The following HEY2 variants were observed in gnomAD, a reference collection of about 807,000 sequenced individuals.
HEY2 encodes the protein hes related family bHLH transcription factor with YRPW motif 2.
HEY2 carries 10 observed loss-of-function variants against 18.1 expected under a neutral mutation model. The observed-to-expected ratio is 0.55, with a 90% CI of 0.34 to 0.94. The LOEUF (loss-of-function observed/expected upper bound fraction) is 0.94. Among genes scored for constraint, HEY2 ranks in the 40% least tolerant of loss-of-function variants. HEY2 has a pLI of 0.02. For missense variants in HEY2, 455 were observed against 455.9 expected, an observed-to-expected ratio of 1.00 and a Z score of 0.02; for synonymous variants, 210 against 182.7, an observed-to-expected ratio of 1.15 and a Z score of -1.21.
chr6:125,752,162 G>C (rs1200570452), intron 3 of HEY2, 72 bp downstream of exon 3: 1 of 760,992 alleles, frequency 1.3e-6, no homozygotes, highest in African/African-American at 2.2e-5. Flanking sequence ...AACACAATCT[G>C]ATTCGCTCAT....
At chr6:125,752,270 CA>C (rs1180651409) in intron 3 of HEY2, among the ~76,000 whole-genome samples, 180 bp downstream of exon 3, 2 of 151,946 alleles carry the variant, frequency 1.3e-5, no homozygotes, top group Non-Finnish European at 2.9e-5. Flanking sequence ...TTTGTTGTGG[CA>C]AAACTATTAA....
At chr6:125,758,578 T>C (rs772560554) in intron 4 of HEY2, among the ~76,000 whole-genome samples, 1 of 152,248 alleles carries the variant, frequency 6.6e-6, no homozygotes, top group Non-Finnish European at 1.5e-5. Context: ...GAAGCAGTTA[T>C]GAATTTATTG....
Position 125,750,652 on chromosome 6 carries a change from C to T in HEY2, c.83+793C>T, listed in dbSNP as rs560960423. Among the ~76,000 whole-genome samples, 4 of 152,332 alleles carry T rather than the reference C, an allele frequency of 2.6e-5. No homozygotes were observed. The South Asian group carries it at 8.3e-4, about 32-fold the overall frequency. On this transcript the variant is annotated intron_variant, in intron 1 of 4. Transcript: ENST00000368364. ...TTTCTTTCATATTGTTATTCTAATACATACAAAGCAAAGCACAAAATCTGC... is the reference window on the plus strand; with the variant it reads ...TTTCTTTCATATTGTTATTCTAATATATACAAAGCAAAGCACAAAATCTGC...
intron 4 of HEY2, among the ~76,000 whole-genome samples, chr6:125,756,067 A>C (rs1250161776): frequency 1.3e-5 from 2 of 152,256 alleles, no homozygotes; most frequent in East Asian, 3.8e-4. Flanking sequence ...AATATTTGGC[A>C]TGAGCTGTAC....
In HEY2 at chr6:125,760,061, T is replaced by G; in HGVS notation, c.*259T>G. On this transcript the variant is annotated 3_prime_UTR_variant, in exon 5 of 5. Coordinates refer to ENST00000368364, the MANE Select transcript of HEY2 (RefSeq NM_012259.3). ...TCACACTTGTTACCATTTAGAAGTTTCCTGGAAAATATATGGACCGTACCA... is the reference window on the plus strand; with the variant it reads ...TCACACTTGTTACCATTTAGAAGTTGCCTGGAAAATATATGGACCGTACCA... The G allele has an allele frequency of 2.0e-6, 1 of 511,072 alleles. No homozygotes were observed. The highest frequency in any genetic ancestry group is 3.5e-6 in the Non-Finnish European group (1 of 286,152). 31.7% of individuals were successfully genotyped at this position (511,072 alleles called of 1,614,324 possible).
chr6:125,759,112 T>C lies in HEY2; in HGVS notation c.329-5T>C, dbSNP rs572944599. The C allele has an allele frequency of 6.3e-7, 1 of 1,583,752 alleles. No individual in the cohort carries two copies. The highest frequency in any genetic ancestry group is 1.3e-5 in the African/African-American group (1 of 74,350). On this transcript the variant is annotated splice_polypyrimidine_tract_variant and splice_region_variant and intron_variant, in intron 4 of 4. Transcript: ENST00000368364. ...GTTCCCTACTTTGCTCAAACCCACTTTTAGGCTACTTTGACGCACACGCTC... is the reference window on the plus strand; with the variant it reads ...GTTCCCTACTTTGCTCAAACCCACTCTTAGGCTACTTTGACGCACACGCTC...
Position 125,759,890 on chromosome 6 carries a change from A to G in HEY2, c.*88A>G. 2.1e-6 allele frequency: 2 copies of G among 969,770 alleles called. No individual in the cohort carries two copies. The highest frequency in any genetic ancestry group is 3.1e-6 in the Non-Finnish European group (2 of 648,570). The allele number at this position is 969,770 out of a possible 1,614,324, so 60.1% of individuals were successfully genotyped here. ...CTCTGCACCCTGAAGGTAGCCATAC[A>G]GATGCCGACAGATCCACAAAGGAAC... On this transcript the variant is annotated 3_prime_UTR_variant, in exon 5 of 5. Coordinates refer to ENST00000368364, the MANE Select transcript of HEY2 (RefSeq NM_012259.3).
chr6:125,752,709 GAAA>G (rs1303260101), intron 3 of HEY2, among the ~76,000 whole-genome samples: 10 of 152,108 alleles, frequency 6.6e-5, no homozygotes, highest in Admixed American at 6.5e-4. Context: ...AAGAAAGAAA[GAAA>G]AAGATTTTGC....
chr6:125,749,677 T>C lies in HEY2; in HGVS notation c.-100T>C. 1.3e-6 allele frequency: 1 copy of C among 752,452 alleles called. No individual in the cohort carries two copies. The highest frequency in any genetic ancestry group is 2.0e-6 in the Non-Finnish European group (1 of 505,890). The allele number at this position is 752,452 out of a possible 1,614,324, so 46.6% of individuals were successfully genotyped here. A position where few individuals can be genotyped will look rare whatever the true frequency, so the allele number is the denominator to read the frequency against. ...ACCGCGCCGCCGCCGGAGCCGCGCC[T>C]GCCCAGGCCCGGGGAGGGAGGAGGC... On this transcript the variant is annotated 5_prime_UTR_variant, in exon 1 of 5. Transcript: ENST00000368364.
chr6:125,758,163 TGCCCTAC>T (rs1773702738), intron 4 of HEY2, among the ~76,000 whole-genome samples: 1 of 32,018 alleles, frequency 3.1e-5, no homozygotes, highest in Non-Finnish European at 8.9e-5. Flanking sequence ...GTGCCCTACA[TGCCCTAC>T]ATGGGCACTC....
rs761812670 is a variant in HEY2 at position 125,759,574 on chromosome 6, C to T, written c.786C>T (p.Ala262=). The change falls in exon 5 of 5, where the codon GCC becomes GCT. Residue 262 remains alanine (A), a synonymous_variant. Transcript: ENST00000368364. ...CCACCTCTCTCTTGTCCCTCTCTGC[C>T]ACCGTCCACGCCGCAGCCGCAGCAG... The part of the protein sequence containing the change: ...PLSTSLLSLS[A]TVHAAAAAAT... The T allele has an allele frequency of 1.2e-6, 2 of 1,610,774 alleles. No individual in the cohort carries two copies. Among genetic ancestry groups the T allele is most frequent in the Admixed American group, 3.3e-5 (2 of 60,028 alleles).
Position 125,759,553 on chromosome 6 carries a change from C to T in HEY2, c.765C>T (p.Thr255=). The change falls in exon 5 of 5, where the codon ACC becomes ACT. Residue 255 remains threonine, a synonymous_variant. Coordinates refer to ENST00000368364, the MANE Select transcript of HEY2 (RefSeq NM_012259.3). Reference sequence around the variant, plus strand: ...CCCCCTGCGTGCCACCTCTCTCCACCTCTCTCTTGTCCCTCTCTGCCACCG... The same window carrying T: ...CCCCCTGCGTGCCACCTCTCTCCACTTCTCTCTTGTCCCTCTCTGCCACCG... ...SVAPCVPPLS[T]SLLSLSATVH... is the part of the protein sequence containing the mutation. The T allele has an allele frequency of 1.2e-6, 2 of 1,611,064 alleles. No homozygotes were observed. Among genetic ancestry groups the T allele is most frequent in the Non-Finnish European group, 8.5e-7 (1 of 1,179,904 alleles).
intron 3 of HEY2, 86 bp downstream of exon 3, chr6:125,752,176 G>A (rs1205569545): frequency 3.0e-5 from 22 of 742,516 alleles, no homozygotes; most frequent in Non-Finnish European, 4.6e-5. Flanking sequence ...CGCTCATCTG[G>A]GAATGTGGGT....
chr6:125,754,292 T>A (rs1773608794), intron 3 of HEY2, among the ~76,000 whole-genome samples, 173 bp from the exon 4 acceptor site: 1 of 152,236 alleles, frequency 6.6e-6, no homozygotes, highest in Non-Finnish European at 1.5e-5. Context: ...ATGACATTAA[T>A]TAGTGCTTTC....
At position 125,759,838 on chromosome 6, in the gene HEY2, T is replaced by C. The variant is rs754368234; in HGVS notation, c.*36T>C. On this transcript the variant is annotated 3_prime_UTR_variant, in exon 5 of 5. Transcript: ENST00000368364. ...AACTTCTTGCAATAGTAACTGAATG[T>C]CCTCCATTTCAGAGTCAGCTTAAAA... 6.4e-7 allele frequency: 1 copy of C among 1,560,154 alleles called. No homozygotes were observed. Among genetic ancestry groups the C allele is most frequent in the Non-Finnish European group, 8.8e-7 (1 of 1,135,378 alleles).
intron 4 of HEY2, 138 bp downstream of exon 4, chr6:125,754,684 C>CA: frequency 2.2e-6 from 1 of 447,794 alleles, no homozygotes; most frequent in Non-Finnish European, 4.0e-6. Flanking sequence ...AGATTAAAGC[C>CA]ATGGAAATCA....
At chr6:125,753,062 C>T (rs11960977) in intron 3 of HEY2, among the ~76,000 whole-genome samples, 4,226 of 152,248 alleles carry the variant, frequency 0.028, 195 homozygotes, top group African/African-American at 0.097. Context: ...TGACCAAATA[C>T]AAAACATAAT....
At chr6:125,754,593 T>C (rs746381020) in intron 4 of HEY2, 47 bp downstream of exon 4, 1 of 1,041,570 alleles carries the variant, frequency 9.6e-7, no homozygotes, top group African/African-American at 1.6e-5. Flanking sequence ...TTTTTACCTT[T>C]CTCTTTTCAT....
At position 125,759,841 on chromosome 6, in the gene HEY2, T is replaced by TC. The variant is rs777647930; in HGVS notation, c.*41dup. The TC allele has an allele frequency of 1.3e-6, 2 of 1,552,074 alleles. No individual in the cohort carries two copies. The highest frequency in any genetic ancestry group is 3.4e-5 in the Admixed American group (2 of 58,592). Reference sequence around the variant, plus strand: ...TTCTTGCAATAGTAACTGAATGTCCTCCATTTCAGAGTCAGCTTAAAACCT... The same window carrying TC: ...TTCTTGCAATAGTAACTGAATGTCCTCCCATTTCAGAGTCAGCTTAAAACCT... On this transcript the variant is annotated 3_prime_UTR_variant, in exon 5 of 5. Coordinates refer to ENST00000368364, the MANE Select transcript of HEY2 (RefSeq NM_012259.3).
Sources: gnomAD v4.1 joint callset for allele counts (sites outside exome capture counted in the v4.1 genomes callset) on GRCh38, gnomAD v4.1.1 for gene constraint, MANE v1.5 for transcripts, NCBI Gene and HGNC (gene_info 2026-07-23, HGNC 2026-07-21) for gene names.